B4GALNT3: variants seen among roughly 807,000 people sequenced by gnomAD.
B4GALNT3 encodes beta-1,4-N-acetyl-galactosaminyltransferase 3.
A neutral mutation model predicts 120.2 loss-of-function variants in B4GALNT3; 86 were observed. The observed-to-expected ratio is 0.72, with a 90% CI of 0.60 to 0.86. B4GALNT3 has a LOEUF of 0.86. Ranked by LOEUF, B4GALNT3 falls within the 40% of genes least tolerant of loss-of-function variation. The probability of loss-of-function intolerance (pLI) is 0.00; values close to 1 mark genes in which losing one functional copy is unlikely to be tolerated. For missense variants in B4GALNT3, 1,167 were observed against 1,298.9 expected, an observed-to-expected ratio of 0.90 and a Z score of 1.56; for synonymous variants, 518 against 510.4, an observed-to-expected ratio of 1.01 and a Z score of -0.20.
At chr12:498,248 TC>T (rs1293148300) in intron 1 of B4GALNT3, among the ~76,000 whole-genome samples, 1 of 152,254 alleles carries the variant, frequency 6.6e-6, no homozygotes, top group East Asian at 1.9e-4. Flanking sequence ...CACTGGCTCT[TC>T]CTGCCGCTGA....
Position 557,746 on chromosome 12 carries a change from G to A in B4GALNT3, c.2519G>A (p.Arg840Lys), listed in dbSNP as rs1947174592. 1 of 1,602,906 alleles carries A rather than the reference G, an allele frequency of 6.2e-7. No homozygotes were observed. Among genetic ancestry groups the A allele is most frequent in the Non-Finnish European group, 8.5e-7 (1 of 1,176,788 alleles). The change falls in exon 16 of 20, where the codon AGG becomes AAG. Residue 840 changes from arginine to lysine, a missense_variant. By Grantham distance (26) the Arg-to-Lys change is conservative. This residue lies in a region of B4GALNT3 where 983 missense variants were observed against 1,102.5 expected (regional missense o/e 0.89). Transcript: ENST00000266383. ...ATGGATGTTGAGATGGCACTGAAGA[G>A]GTCCAAGCTGCGGAGGTGAGGGGGA... The part of the protein sequence containing the change: ...EDMDVEMALK[R>K]SKLRSYQYVK...
chr12:492,172 AGAAG>A (rs988879247), intron 1 of B4GALNT3, among the ~76,000 whole-genome samples: 5 of 152,190 alleles, frequency 3.3e-5, no homozygotes, highest in Non-Finnish European at 7.3e-5. Context: ...ATACAGGTTG[AGAAG>A]GAAGAAATAA....
At chr12:502,153 C>G (rs2120541379) in intron 1 of B4GALNT3, among the ~76,000 whole-genome samples, 1 of 152,260 alleles carries the variant, frequency 6.6e-6, no homozygotes, top group East Asian at 1.9e-4. Flanking sequence ...AGTTGCCTTC[C>G]CAGGAGGTGG....
intron 1 of B4GALNT3, among the ~76,000 whole-genome samples, chr12:489,341 A>G (rs868781320): frequency 6.6e-6 from 1 of 151,254 alleles, no homozygotes; most frequent in African/African-American, 2.4e-5. Flanking sequence ...AAAAAAAAAA[A>G]CCCACAAAAT....
At chr12:513,485 G>A (rs1480542325) in intron 1 of B4GALNT3, among the ~76,000 whole-genome samples, 6 of 152,180 alleles carry the variant, frequency 3.9e-5, no homozygotes, top group Admixed American at 2.0e-4. Context: ...TGGTGCTGGC[G>A]GGAGCATAGC....
chr12:544,254 G>A (rs1946962652), intron 3 of B4GALNT3, 85 bp from the exon 4 acceptor site: 1 of 1,299,852 alleles, frequency 7.7e-7, no homozygotes, highest in African/African-American at 1.5e-5. Flanking sequence ...GGGCGGGCAT[G>A]GGATGCTCAT....
chr12:512,457 C>T (rs529917970), intron 1 of B4GALNT3, among the ~76,000 whole-genome samples: 89 of 146,818 alleles, frequency 6.1e-4, no homozygotes, highest in African/African-American at 2.1e-3. Context: ...CCACCTTCCA[C>T]CTTCCACCTT....
intron 18 of B4GALNT3, 99 bp from the exon 19 acceptor site, chr12:559,196 G>A (rs1947195066): frequency 2.0e-6 from 3 of 1,518,634 alleles, no homozygotes; most frequent in African/African-American, 1.4e-5. Flanking sequence ...CCCAGCCTCT[G>A]ACTTTCAGAA....
Position 460,548 on chromosome 12 carries a change from A to G in B4GALNT3, c.169+3A>G. On this transcript the variant is annotated splice_donor_region_variant and intron_variant, in intron 1 of 19. Coordinates refer to ENST00000266383, the MANE Select transcript of B4GALNT3 (RefSeq NM_173593.4). The surrounding 1 kb of genome is among the most constrained non-coding windows in gnomAD (Gnocchi z 8.0). ...CGGCGGGAACCCCCTGAACCGGAGT[A>G]AGTAGCACCCAGGGGAGGCGAAGGG... 1 of 1,478,302 alleles carries G rather than the reference A, an allele frequency of 6.8e-7. No homozygotes were observed. The highest frequency in any genetic ancestry group is 9.0e-7 in the Non-Finnish European group (1 of 1,105,922). The allele number at this position is 1,478,302 out of a possible 1,614,324, so 91.6% of individuals were successfully genotyped here. A position where few individuals can be genotyped will look rare whatever the true frequency, so the allele number is the denominator to read the frequency against.
intron 1 of B4GALNT3, among the ~76,000 whole-genome samples, chr12:511,301 C>CCTTCCGCCTTCTTCCACCTTCGAG (rs1946549887): frequency 1.1e-5 from 1 of 90,796 alleles, no homozygotes. Flanking sequence ...CGACCTTCCA[C>CCTTCCGCCTTCTTCCACCTTCGAG]CTTCCACCTT....
At chr12:531,940 T>C (rs1217573285) in intron 1 of B4GALNT3, among the ~76,000 whole-genome samples, 1 of 151,012 alleles carries the variant, frequency 6.6e-6, no homozygotes, top group African/African-American at 2.4e-5. Context: ...AATTGGTAGA[T>C]ATACAATTAG....
chr12:546,001 G>A (rs577302075), intron 6 of B4GALNT3, among the ~76,000 whole-genome samples: 2 of 127,872 alleles, frequency 1.6e-5, no homozygotes, highest in African/African-American at 3.1e-5. Flanking sequence ...GAGTGGGGAG[G>A]TGAGAGGAGT....
intron 1 of B4GALNT3, among the ~76,000 whole-genome samples, chr12:500,034 C>T (rs1261123986): frequency 6.6e-6 from 1 of 152,172 alleles, no homozygotes. Context: ...TCTTGTTGCT[C>T]TCTTGTTCGA....
At chr12:481,668 G>C (rs967664614) in intron 1 of B4GALNT3, among the ~76,000 whole-genome samples, 1 of 152,190 alleles carries the variant, frequency 6.6e-6, no homozygotes, top group East Asian at 1.9e-4. Context: ...TTTAGACCTG[G>C]AGACTCTTTG....
chr12:495,165 A>C (rs1054958987), intron 1 of B4GALNT3, among the ~76,000 whole-genome samples: 3 of 152,218 alleles, frequency 2.0e-5, no homozygotes, highest in African/African-American at 7.2e-5. Context: ...AGAAAGGTTA[A>C]ATAACTTGTC....
intron 1 of B4GALNT3, among the ~76,000 whole-genome samples, chr12:513,220 G>A (rs893629885): frequency 2.1e-5 from 3 of 146,052 alleles, no homozygotes; most frequent in Non-Finnish European, 2.9e-5. Flanking sequence ...TTCCACTACC[G>A]TTCTTGGATT....
At position 556,746 on chromosome 12, in the gene B4GALNT3, G is replaced by C; in HGVS notation, c.2260G>C (p.Val754Leu). The C allele has an allele frequency of 6.2e-7, 1 of 1,612,816 alleles. No individual in the cohort carries two copies. The highest frequency in any genetic ancestry group is 8.5e-7 in the Non-Finnish European group (1 of 1,179,134). ...EVEARNLQGL[V>L]WDPHNRRRQV... is the part of the protein sequence containing the mutation. ...CGAGGCCCGGAACCTGCAAGGCCTG[G>C]TCTGGGACCCACACAACCGTAGGAG... Residue 754 changes from valine (V) to leucine (L), a missense_variant, in exon 15 of 20, where the codon GTC becomes CTC. By Grantham distance (32) the Val-to-Leu change is conservative. Transcript: ENST00000266383.
At chr12:500,034 C>G (rs1261123986) in intron 1 of B4GALNT3, among the ~76,000 whole-genome samples, 2 of 152,172 alleles carry the variant, frequency 1.3e-5, no homozygotes, top group Non-Finnish European at 2.9e-5. Flanking sequence ...TCTTGTTGCT[C>G]TCTTGTTCGA....
intron 1 of B4GALNT3, among the ~76,000 whole-genome samples, chr12:469,556 T>C (rs538249615): frequency 6.6e-6 from 1 of 152,252 alleles, no homozygotes; most frequent in East Asian, 1.9e-4. Context: ...CATTCTTCAA[T>C]CACTTTTTTC....
Sources: allele counts gnomAD v4.1 joint callset (sites outside exome capture counted in the v4.1 genomes callset), GRCh38; gene constraint gnomAD v4.1.1; regional missense constraint gnomAD v4.1.1; non-coding constraint Gnocchi (gnomAD v3.1); transcripts MANE v1.5; gene names NCBI Gene and HGNC (gene_info 2026-07-23, HGNC 2026-07-21).